The following TENM2 variants were observed in gnomAD, a reference collection of about 807,000 sequenced individuals.
TENM2 encodes teneurin transmembrane protein 2.
In TENM2, 52 loss-of-function variants were observed where a neutral mutation model predicts 245.2. The ratio of observed to expected loss-of-function variants is 0.21; its 90% confidence interval spans 0.17 to 0.27. TENM2 has a LOEUF of 0.27. TENM2 is among the 10% of genes least tolerant of loss of function. TENM2 has a pLI of 1.00. For missense variants in TENM2, 3,046 were observed against 3,666.8 expected (o/e 0.83, Z 4.37); for synonymous variants, 1,363 against 1,438.9 (o/e 0.95, Z 1.19).
chr5:168,238,258 A>AGAAAAGAAAAGAAAG lies in TENM2; in HGVS notation c.5521-6148_5521-6147insGGAAAAGAAAAGAAA, dbSNP rs1562321159. 1.9e-4 allele frequency among the ~76,000 whole-genome samples: 28 copies of AGAAAAGAAAAGAAAG among 145,672 alleles called. 2 individuals carry two copies. Among genetic ancestry groups the AGAAAAGAAAAGAAAG allele is most frequent in the African/African-American group, 7.0e-4 (26 of 37,348 alleles). On this transcript the variant is annotated intron_variant, in intron 25 of 28. Transcript: ENST00000518659. ...AGAAAAGAAAAGAAAAGAAAAGAAA[A>AGAAAAGAAAAGAAAG]GAAAAGAAAAGAAAAGAAAAGAAAA...
chr5:167,322,279 T>A (rs1756806239), intron 1 of TENM2, among the ~76,000 whole-genome samples: 1 of 151,868 alleles, frequency 6.6e-6, no homozygotes. Context: ...AGAAAAAACA[T>A]CTATCAAGGG....
chr5:167,151,039 G>T, the TENM2 span, among the ~76,000 whole-genome samples: 1 of 152,168 alleles, frequency 6.6e-6, no homozygotes, highest in Non-Finnish European at 1.5e-5. Context: ...TATCTTTCAA[G>T]CCTCTCCTGG....
At chr5:167,654,026 A>G (rs988164095) in intron 2 of TENM2, 14 of 152,158 alleles carry the variant, frequency 9.2e-5, no homozygotes, top group African/African-American at 3.4e-4. Context: ...ACATAAGTCA[A>G]TATTGTTTTT....
intron 2 of TENM2, among the ~76,000 whole-genome samples, chr5:167,665,919 TC>T (rs1181319800): frequency 2.2e-4 from 33 of 152,090 alleles, no homozygotes; most frequent in Non-Finnish European, 2.9e-5. Context: ...TTCTCATTCC[TC>T]TCCTGCAAGC....
intron 13 of TENM2, among the ~76,000 whole-genome samples, chr5:168,165,637 T>TGCCCC (rs1758166168): frequency 4.4e-5 from 1 of 22,568 alleles, no homozygotes; most frequent in Non-Finnish European, 1.5e-4. Flanking sequence ...CAATTCAGGA[T>TGCCCC]CCCCCCCCCA....
chr5:167,570,729 G>A (rs1290944654), intron 2 of TENM2, among the ~76,000 whole-genome samples: 1 of 152,186 alleles, frequency 6.6e-6, no homozygotes, highest in African/African-American at 2.4e-5. Context: ...CTGCATTGAA[G>A]AATTATTGCA....
At chr5:167,781,180 A>G (rs747298149) in intron 2 of TENM2, among the ~76,000 whole-genome samples, 3 of 151,972 alleles carry the variant, frequency 2.0e-5, no homozygotes, top group Non-Finnish European at 4.4e-5. Context: ...GTGTGGTGGC[A>G]TGCACCTGTA....
At chr5:167,174,109 G>GT in the TENM2 span, among the ~76,000 whole-genome samples, 284 of 141,038 alleles carry the variant, frequency 2.0e-3, 1 homozygote, top group Admixed American at 1.9e-3. Flanking sequence ...GAGTTTTCTC[G>GT]TTTTTTTTTT....
intron 2 of TENM2, among the ~76,000 whole-genome samples, chr5:167,493,062 A>T (rs1211931053): frequency 6.6e-6 from 1 of 152,110 alleles, no homozygotes; most frequent in Non-Finnish European, 1.5e-5. Flanking sequence ...GGATTCTGTG[A>T]TTCTTATTCA....
At chr5:167,625,611 G>A (rs1256156960) in intron 2 of TENM2, among the ~76,000 whole-genome samples, 3 of 152,196 alleles carry the variant, frequency 2.0e-5, no homozygotes, top group Non-Finnish European at 4.4e-5. Flanking sequence ...AGTCTGCTCA[G>A]ATGTATCAGT....
intron 2 of TENM2, among the ~76,000 whole-genome samples, chr5:167,732,326 G>A (rs939706347): frequency 8.5e-5 from 13 of 152,140 alleles, no homozygotes; most frequent in Non-Finnish European, 1.3e-4. Context: ...GGGAGAAAAT[G>A]TGTCCCTTGT....
intron 2 of TENM2, among the ~76,000 whole-genome samples, chr5:167,842,362 T>C (rs554125942): frequency 6.6e-6 from 1 of 151,714 alleles, no homozygotes; most frequent in East Asian, 1.9e-4. Context: ...GCTGAGGCGG[T>C]TGGATCACCT....
chr5:167,722,455 G>A (rs1164867548), intron 2 of TENM2, among the ~76,000 whole-genome samples: 1 of 152,174 alleles, frequency 6.6e-6, no homozygotes, highest in East Asian at 1.9e-4. Context: ...TTTAGATACA[G>A]ATACAGATAT....
chr5:167,740,052 G>C (rs953585693), intron 2 of TENM2, among the ~76,000 whole-genome samples: 1 of 152,162 alleles, frequency 6.6e-6, no homozygotes, highest in African/African-American at 2.4e-5. Context: ...TTAGTGAGTG[G>C]TGCTGGTCTA....
At chr5:167,053,130 A>G in the TENM2 span, among the ~76,000 whole-genome samples, 1 of 152,110 alleles carries the variant, frequency 6.6e-6, no homozygotes, top group East Asian at 1.9e-4. Context: ...CTGGTGAATT[A>G]TTTCATCTTT....
chr5:167,189,786 C>G, the TENM2 span, among the ~76,000 whole-genome samples: 5 of 151,946 alleles, frequency 3.3e-5, no homozygotes, highest in Non-Finnish European at 7.4e-5. Context: ...ATTTAAATAC[C>G]CAGTGCCCTA....
chr5:167,437,798 C>G (rs1261615544), intron 2 of TENM2, among the ~76,000 whole-genome samples: 3 of 152,152 alleles, frequency 2.0e-5, no homozygotes, highest in Admixed American at 6.5e-5. Context: ...TTCTCATTCT[C>G]TCTTGCCTGC....
At chr5:168,081,009 C>T (rs969054529) in intron 7 of TENM2, among the ~76,000 whole-genome samples, 63 of 152,100 alleles carry the variant, frequency 4.1e-4, no homozygotes, top group Non-Finnish European at 1.0e-4. Context: ...TCTTGTTGAT[C>T]CGTCTAATGT....
At chr5:167,003,721 A>G in the TENM2 span, among the ~76,000 whole-genome samples, 1 of 152,210 alleles carries the variant, frequency 6.6e-6, no homozygotes, top group Non-Finnish European at 1.5e-5. Context: ...ACCACCCTGC[A>G]TATGTCCCAT....
Sources: gnomAD v4.1 joint callset for allele counts (sites outside exome capture counted in the v4.1 genomes callset) on GRCh38, gnomAD v4.1.1 for gene constraint, MANE v1.5 for transcripts, NCBI Gene and HGNC (gene_info 2026-07-23, HGNC 2026-07-21) for gene names.